The following PRDM16 variants were observed in gnomAD, a reference collection of about 807,000 sequenced individuals.
The protein encoded by PRDM16 is histone-lysine N-methyltransferase PRDM16.
A neutral mutation model predicts 110.6 loss-of-function variants in PRDM16; 23 were observed. That is an observed-to-expected ratio of 0.21 (90% CI 0.15 to 0.29). PRDM16 has a LOEUF of 0.29. PRDM16 is among the 10% of genes least tolerant of loss of function. PRDM16 has a pLI of 1.00. For synonymous variants in PRDM16, 799 were observed against 781.8 expected (o/e 1.02, Z -0.37); for missense variants, 1,615 against 1,794.3 (o/e 0.90, Z 1.81).
intron 1 of PRDM16, among the ~76,000 whole-genome samples, chr1:3,153,446 G>A (rs1179155342): frequency 2.0e-5 from 3 of 152,206 alleles, no homozygotes; most frequent in South Asian, 2.1e-4. Flanking sequence ...ACGGGCGGGC[G>A]GTTCCCCAGG....
rs541773416 is a variant in PRDM16 at position 3,164,596 on chromosome 1, C to T, written c.38-21529C>T. Among the ~76,000 whole-genome samples the T allele has an allele frequency of 2.6e-5, 4 of 152,314 alleles. No homozygotes were observed. The South Asian group carries it at 8.3e-4, about 32-fold the overall frequency. On this transcript the variant is annotated intron_variant, in intron 1 of 16. Transcript: ENST00000270722. The stretch of plus-strand genomic sequence containing the variant: ...CAGAAAACTTTCCCGGTGTGTAGCC[C>T]GCTCGGTGTCTCTGGAAACCATGGT...
rs1272762609 is a variant in PRDM16, at chr1:3,243,023, C to T, written c.388-1064C>T. On this transcript the variant is annotated intron_variant, in intron 2 of 16. Coordinates refer to ENST00000270722, the MANE Select transcript of PRDM16 (RefSeq NM_022114.4). The surrounding 1 kb of genome is among the most constrained non-coding windows in gnomAD (Gnocchi z 5.5). ...AGACGCCGCCACTCTGGAGTGCAGC[C>T]TGGTGGCTTTTAAGAGGAGACACCC... 6.6e-6 allele frequency among the ~76,000 whole-genome samples: 1 copy of T among 152,188 alleles called. No homozygotes were observed. The highest frequency in any genetic ancestry group is 2.1e-4 in the South Asian group (1 of 4,826).
Position 3,426,062 on chromosome 1 carries a change from C to T in PRDM16, c.3121C>T (p.Pro1041Ser). 1 of 1,613,382 alleles carries T rather than the reference C, an allele frequency of 6.2e-7. No individual in the cohort carries two copies. The highest frequency in any genetic ancestry group is 8.5e-7 in the Non-Finnish European group (1 of 1,179,830). Residue 1041 changes from proline (P) to serine (S), a missense_variant, in exon 14 of 17, where the codon CCC (proline) becomes TCC (serine). Around this residue, in one of 5 missense-constraint regions of PRDM16, gnomAD observed 327 missense variants for 359.3 expected, o/e 0.91. Coordinates refer to ENST00000270722, the MANE Select transcript of PRDM16 (RefSeq NM_022114.4). ...EHENAPVSQH[P>S]GVLTNHLGTS... is the part of the protein sequence containing the mutation. ...CCGCCCCTCCGCAGTGAGCCAGCAC[C>T]CCGGGGTCCTCACGAACCACCTGGG... is the stretch of plus-strand genomic sequence containing the variant.
At position 3,418,580 on chromosome 1, in the gene PRDM16, G is replaced by A. The variant is rs535338791; in HGVS notation, c.2862-87G>A. ...ACCTGTGCATCAGGTGTGAGACCCCGAGCATTAGCTTGAAACCATTTCTGG... is the reference window on the plus strand; with the variant it reads ...ACCTGTGCATCAGGTGTGAGACCCCAAGCATTAGCTTGAAACCATTTCTGG... On this transcript the variant is annotated intron_variant, in intron 11 of 16. Coordinates refer to ENST00000270722, the MANE Select transcript of PRDM16 (RefSeq NM_022114.4). The A allele has an allele frequency of 5.2e-5, 47 of 896,246 alleles. No individual in the cohort carries two copies. In the Middle Eastern group the frequency reaches 3.2e-3, roughly 62 times the overall value. The allele number at this position is 896,246 out of a possible 1,614,324, so 55.5% of individuals were successfully genotyped here.
rs572518405 is a variant in PRDM16, at chr1:3,100,807, T to G, written c.37+31511T>G. Among the ~76,000 whole-genome samples the G allele has an allele frequency of 2.6e-5, 4 of 152,182 alleles. No individual in the cohort carries two copies. In the East Asian group the frequency reaches 7.8e-4, roughly 30 times the overall value. ...CTGACTCAGCACAGCTGGATCCAGC[T>G]GTGGGGCCATGAGAGTGGAAGGTGA... On this transcript the variant is annotated intron_variant, in intron 1 of 16. Coordinates refer to ENST00000270722, the MANE Select transcript of PRDM16 (RefSeq NM_022114.4).
Position 3,081,064 on chromosome 1 carries a change from G to C in PRDM16, c.37+11768G>C, listed in dbSNP as rs985002303. 5.3e-5 allele frequency among the ~76,000 whole-genome samples: 8 copies of C among 152,180 alleles called. No individual in the cohort carries two copies. The highest frequency in any genetic ancestry group is 1.7e-4 in the African/African-American group (7 of 41,432). ...ATCGGGGGGCAGATAGCGTAGCCAC[G>C]AGGGGCTCTCTGGTTTCATGGCTGG... On this transcript the variant is annotated intron_variant, in intron 1 of 16. Coordinates refer to ENST00000270722, the MANE Select transcript of PRDM16 (RefSeq NM_022114.4). This position sits in a 1 kb window ranked among gnomAD's most constrained non-coding sequence, Gnocchi z 4.6.
intron 3 of PRDM16, among the ~76,000 whole-genome samples, chr1:3,259,791 G>C (rs147176726): frequency 6.4e-4 from 97 of 152,120 alleles, no homozygotes; most frequent in Middle Eastern, 3.4e-3. Flanking sequence ...CCTGGGATGC[G>C]CCTCTCCACT....
chr1:3,127,266 C>T (rs184027067), intron 1 of PRDM16, among the ~76,000 whole-genome samples: 12 of 152,348 alleles, frequency 7.9e-5, no homozygotes, highest in African/African-American at 2.2e-4. Flanking sequence ...GATTTGGCAT[C>T]GAGTTATTTA....
chr1:3,170,288 C>T (rs985026088), intron 1 of PRDM16, among the ~76,000 whole-genome samples: 3 of 152,180 alleles, frequency 2.0e-5, no homozygotes, highest in Non-Finnish European at 2.9e-5. Context: ...AGAGATCCCC[C>T]GCTCCAGGCC....
rs561552800 is a variant in PRDM16 at position 3,363,862 on chromosome 1, G to T, written c.439-21290G>T. 1.5e-4 allele frequency among the ~76,000 whole-genome samples: 23 copies of T among 152,232 alleles called. 1 individual carries two copies. The highest frequency in any genetic ancestry group is 5.5e-4 in the African/African-American group (23 of 41,518). On this transcript the variant is annotated intron_variant, in intron 3 of 16. Transcript: ENST00000270722. ...ACTCCAAACATCACAACACGGGCCC[G>T]CTGCAGCTCCCACCTCCAGCTAAAG...
chr1:3,369,990 C>T (rs1013810754), intron 3 of PRDM16, among the ~76,000 whole-genome samples: 2 of 152,218 alleles, frequency 1.3e-5, no homozygotes, highest in Non-Finnish European at 2.9e-5. Flanking sequence ...TGAGCTCCTC[C>T]AGCCCGGCGT....
In PRDM16 at chr1:3,402,993, G is replaced by T; in HGVS notation, c.879G>T (p.Lys293Asn). The T allele has an allele frequency of 6.2e-7, 1 of 1,600,408 alleles. No individual in the cohort carries two copies. The highest frequency in any genetic ancestry group is 8.5e-7 in the Non-Finnish European group (1 of 1,175,256). Residue 293 changes from lysine to asparagine, a missense_variant, in exon 6 of 17, where the codon AAG becomes AAT. Lys to Asn is a moderately conservative substitution (Grantham distance 94). Coordinates refer to ENST00000270722, the MANE Select transcript of PRDM16 (RefSeq NM_022114.4). ...CKDCERMFPNKYSLEQHMVIH... is the reference protein window; with the variant it reads ...CKDCERMFPNNYSLEQHMVIH... Reference sequence around the variant, plus strand: ...ACTGCGAGCGGATGTTCCCCAACAAGTACAGGTGCCACGCCCTCCTCTGAG... The same window carrying T: ...ACTGCGAGCGGATGTTCCCCAACAATTACAGGTGCCACGCCCTCCTCTGAG...
intron 1 of PRDM16, among the ~76,000 whole-genome samples, chr1:3,077,837 G>A (rs1179347602): frequency 6.6e-6 from 1 of 152,238 alleles, no homozygotes; most frequent in Non-Finnish European, 1.5e-5. Flanking sequence ...AAACCACACT[G>A]GGGTCTCCCC....
intron 1 of PRDM16, among the ~76,000 whole-genome samples, chr1:3,114,587 A>AACACACGTGCACATGC (rs1220293813): frequency 2.0e-5 from 3 of 151,442 alleles, no homozygotes; most frequent in African/African-American, 7.3e-5. Context: ...CACACACAAG[A>AACACACGTGCACATGC]ACACACGTGC....
In PRDM16 at chr1:3,151,608, G is replaced by A. The variant is rs535492006; in HGVS notation, c.38-34517G>A. Among the ~76,000 whole-genome samples, 40 of 152,354 alleles carry A rather than the reference G, an allele frequency of 2.6e-4. No individual in the cohort carries two copies. In the South Asian group the frequency reaches 7.9e-3, roughly 30 times the overall value. On this transcript the variant is annotated intron_variant, in intron 1 of 16. Coordinates refer to ENST00000270722, the MANE Select transcript of PRDM16 (RefSeq NM_022114.4). ...GCACGTGTGAGCTGTGTCCAGCCAG[G>A]ACCTGGGGCAGAGGCCAGCGTCGAC...
intron 3 of PRDM16, among the ~76,000 whole-genome samples, chr1:3,305,119 A>C (rs1330509046): frequency 6.6e-6 from 1 of 152,200 alleles, no homozygotes; most frequent in Non-Finnish European, 1.5e-5. Flanking sequence ...GAAAGCCTAC[A>C]GGTGCCAGCA....
At chr1:3,218,592 C>T (rs561686822) in intron 2 of PRDM16, among the ~76,000 whole-genome samples, 109 of 152,368 alleles carry the variant, frequency 7.2e-4, no homozygotes, top group African/African-American at 2.5e-3. Flanking sequence ...CAAGGCCCTT[C>T]CTTAGAAAGG....
rs752644043 is a variant in PRDM16, at chr1:3,313,653, G to A, written c.438+69516G>A. On this transcript the variant is annotated intron_variant, in intron 3 of 16. Transcript: ENST00000270722. ...GTGCGGACCCCGCTCCACTCACCCC[G>A]CCTGGGGGCCAGAACCACCTCCCAG... Among the ~76,000 whole-genome samples, 170 of 152,330 alleles carry A rather than the reference G, an allele frequency of 1.1e-3. 1 individual carries two copies. Among genetic ancestry groups the A allele is most frequent in the Non-Finnish European group, 1.7e-3 (116 of 68,016 alleles).
rs2493263 is a variant in PRDM16, at chr1:3,438,051, T to C, written c.*4240T>C. The C allele has an allele frequency of 0.91, 190,182 of 208,800 alleles. 86,892 individuals carry two copies. The highest frequency in any genetic ancestry group is 0.99 in the Middle Eastern group (645 of 654). The allele number at this position is 208,800 out of a possible 1,614,324, so 12.9% of individuals were successfully genotyped here. ...AGTTTTGTTTTGTTTTGTTTTTTCTTTTAGAACTGTATAGTATTGAAAAAG... is the reference window on the plus strand; with the variant it reads ...AGTTTTGTTTTGTTTTGTTTTTTCTCTTAGAACTGTATAGTATTGAAAAAG... On this transcript the variant is annotated 3_prime_UTR_variant, in exon 17 of 17. Coordinates refer to ENST00000270722, the MANE Select transcript of PRDM16 (RefSeq NM_022114.4).
Sources: allele counts gnomAD v4.1 joint callset (sites outside exome capture counted in the v4.1 genomes callset), GRCh38; gene constraint gnomAD v4.1.1; regional missense constraint gnomAD v4.1.1; non-coding constraint Gnocchi (gnomAD v3.1); transcripts MANE v1.5; gene names NCBI Gene and HGNC (gene_info 2026-07-23, HGNC 2026-07-21).